SMYD1: variants seen among roughly 807,000 people sequenced by gnomAD.
The protein encoded by SMYD1 is histone-lysine N-methyltransferase SMYD1.
In SMYD1, 49 loss-of-function variants were observed where a neutral mutation model predicts 54.0. The ratio of observed to expected loss-of-function variants is 0.91; its 90% CI spans 0.72 to 1.15. The LOEUF (loss-of-function observed/expected upper bound fraction) is 1.15, where lower values mean the gene tolerates loss of function less well. SMYD1 is among the 50% of genes most tolerant of loss of function. The pLI is 0.00. For missense variants in SMYD1, 653 were observed against 639.6 expected, an observed-to-expected ratio of 1.02 and a Z score of -0.23; for synonymous variants, 269 against 234.2, an observed-to-expected ratio of 1.15 and a Z score of -1.36.
intron 3 of SMYD1, among the ~76,000 whole-genome samples, chr2:88,090,664 A>G (rs1317338195): frequency 6.6e-6 from 1 of 152,164 alleles, no homozygotes; most frequent in Non-Finnish European, 1.5e-5. Flanking sequence ...CGCGCACACA[A>G]AGCAGGGTAC....
At chr2:88,106,586 T>G in intron 8 of SMYD1, 98 bp downstream of exon 8, 1 of 1,304,948 alleles carries the variant, frequency 7.7e-7, no homozygotes, top group Admixed American at 2.1e-5. Context: ...CTCCCTCCTA[T>G]ACCCACAGCA....
At position 88,096,651 on chromosome 2, in the gene SMYD1, A is replaced by G; in HGVS notation, c.755A>G (p.Tyr252Cys). The G allele has an allele frequency of 1.9e-6, 3 of 1,614,178 alleles. No homozygotes were observed. The highest frequency in any genetic ancestry group is 1.7e-6 in the Non-Finnish European group (2 of 1,180,008). ...GAAGGAGAGGAGCTGACTGTGTCCTATATTGACTTCCTCAACGTTAGTGAA... is the reference window on the plus strand; with the variant it reads ...GAAGGAGAGGAGCTGACTGTGTCCTGTATTGACTTCCTCAACGTTAGTGAA... ...ISEGEELTVS[Y>C]IDFLNVSEER... Residue 252 changes from tyrosine (Y) to cysteine (C), a missense_variant, in exon 6 of 10, where the codon TAT becomes TGT. By Grantham distance (194) the Tyr-to-Cys change is radical. Transcript: ENST00000419482.
At chr2:88,086,949 G>T (rs1674342200) in intron 2 of SMYD1, among the ~76,000 whole-genome samples, 1 of 146,648 alleles carries the variant, frequency 6.8e-6, no homozygotes. Context: ...TCGTCATCTA[G>T]CATTAGGTAC....
chr2:88,087,079 CAA>C (rs57379534), intron 2 of SMYD1, among the ~76,000 whole-genome samples: 2,182 of 83,848 alleles, frequency 0.026, 68 homozygotes, highest in East Asian at 0.085. Flanking sequence ...GTATAGCTTC[CAA>C]AAAAAAAAAA....
At chr2:88,105,404 G>A (rs1040063976) in intron 7 of SMYD1, among the ~76,000 whole-genome samples, 12 of 147,852 alleles carry the variant, frequency 8.1e-5, no homozygotes, top group African/African-American at 1.0e-4. Flanking sequence ...CACACATATC[G>A]ATATCTTTAG....
chr2:88,110,531 G>C lies in SMYD1; in HGVS notation c.*19G>C. On this transcript the variant is annotated 3_prime_UTR_variant, in exon 10 of 10. Coordinates refer to ENST00000419482, the MANE Select transcript of SMYD1 (RefSeq NM_198274.4). ...GCAATGAGGACTGCCCAGTGGAGGA[G>C]GGGCGATGTGGCTGGGGAGCTAGGG... is the stretch of plus-strand genomic sequence containing the variant. The C allele has an allele frequency of 6.5e-7, 1 of 1,540,796 alleles. No individual in the cohort carries two copies. The highest frequency in any genetic ancestry group is 8.8e-7 in the Non-Finnish European group (1 of 1,138,400).
intron 1 of SMYD1, among the ~76,000 whole-genome samples, chr2:88,075,991 C>T (rs963307635): frequency 6.6e-6 from 1 of 152,212 alleles, no homozygotes; most frequent in African/African-American, 2.4e-5. Flanking sequence ...CCTCAACCTT[C>T]TCTGAGTACA....
At chr2:88,102,869 A>G (rs916569989) in intron 6 of SMYD1, among the ~76,000 whole-genome samples, 189 bp from the exon 7 acceptor site, 2 of 152,194 alleles carry the variant, frequency 1.3e-5, no homozygotes, top group Non-Finnish European at 2.9e-5. Context: ...TAGAAAACAC[A>G]AGTCAGAAAT....
rs73947537 is a variant in SMYD1, at chr2:88,096,995, G to A, written c.888+211G>A. 8.8e-3 allele frequency among the ~76,000 whole-genome samples: 1,333 copies of A among 152,282 alleles called. 26 individuals are homozygous for A. The highest frequency in any genetic ancestry group is 0.031 in the African/African-American group (1,274 of 41,554). ...CACTTGCCAGGTGTTTGAGTTTGGG[G>A]AAGTCACCCAGTTTTCTCAACAGTA... On this transcript the variant is annotated intron_variant, in intron 6 of 9. Transcript: ENST00000419482.
At chr2:88,103,684 T>C (rs896332745) in intron 7 of SMYD1, among the ~76,000 whole-genome samples, 1 of 152,104 alleles carries the variant, frequency 6.6e-6, no homozygotes, top group Non-Finnish European at 1.5e-5. Flanking sequence ...GACCCTGATA[T>C]CAAGATTTTT....
intron 7 of SMYD1, 137 bp downstream of exon 7, chr2:88,103,287 C>T (rs897526337): frequency 1.5e-6 from 1 of 660,430 alleles, no homozygotes; most frequent in Non-Finnish European, 2.7e-6. Flanking sequence ...GAAGATGTCC[C>T]TTGGTTGAGA....
intron 3 of SMYD1, 28 bp downstream of exon 3, chr2:88,088,103 C>T: frequency 6.3e-7 from 1 of 1,580,054 alleles, no homozygotes; most frequent in Non-Finnish European, 8.6e-7. Context: ...CTTCTCCATC[C>T]TCCCTGTCTG....
intron 7 of SMYD1, among the ~76,000 whole-genome samples, chr2:88,104,808 A>G (rs975068120): frequency 2.0e-5 from 3 of 152,226 alleles, no homozygotes; most frequent in Non-Finnish European, 4.4e-5. Context: ...TCTAGAGACC[A>G]CTAGACTTTG....
chr2:88,078,768 T>C (rs183925049), intron 1 of SMYD1, among the ~76,000 whole-genome samples: 4 of 152,316 alleles, frequency 2.6e-5, no homozygotes, highest in African/African-American at 9.6e-5. Flanking sequence ...CACACTGAAG[T>C]TCCAAAAGCC....
chr2:88,070,490 G>A lies in SMYD1; in HGVS notation c.137+2489G>A, dbSNP rs145889751. ...TAACATATATATTATATGTTATATT[G>A]TATATATTCTAACATATATTATATA... On this transcript the variant is annotated intron_variant, in intron 1 of 9. Transcript: ENST00000419482. 1.0e-3 allele frequency among the ~76,000 whole-genome samples: 154 copies of A among 151,722 alleles called. 1 individual carries two copies. Among genetic ancestry groups the A allele is most frequent in the African/African-American group, 3.5e-3 (143 of 41,404 alleles).
At chr2:88,107,627 C>G (rs1298322365) in intron 8 of SMYD1, among the ~76,000 whole-genome samples, 3 of 152,196 alleles carry the variant, frequency 2.0e-5, no homozygotes, top group Non-Finnish European at 4.4e-5. Flanking sequence ...TTTACCTACT[C>G]AAGCCTCAGC....
intron 3 of SMYD1, 58 bp downstream of exon 3, chr2:88,088,133 C>A: frequency 4.0e-6 from 6 of 1,515,552 alleles, no homozygotes; most frequent in Non-Finnish European, 5.3e-6. Context: ...TCCTTCCCTC[C>A]TCCCACTTGG....
chr2:88,109,062 T>C (rs750307651), intron 9 of SMYD1, among the ~76,000 whole-genome samples: 12 of 152,178 alleles, frequency 7.9e-5, no homozygotes, highest in Non-Finnish European at 1.3e-4. Flanking sequence ...GGATCACATT[T>C]CAATGTGAGA....
intron 6 of SMYD1, among the ~76,000 whole-genome samples, chr2:88,100,910 ATAAC>A (rs1420080065): frequency 6.6e-6 from 1 of 152,236 alleles, no homozygotes; most frequent in Non-Finnish European, 1.5e-5. Context: ...GACACATAGA[ATAAC>A]TAACTCCCGG....
Sources: gnomAD v4.1 joint callset for allele counts (sites outside exome capture counted in the v4.1 genomes callset) on GRCh38, gnomAD v4.1.1 for gene constraint, MANE v1.5 for transcripts, NCBI Gene and HGNC (gene_info 2026-07-23, HGNC 2026-07-21) for gene names.